PCDH15: variants seen among roughly 807,000 people sequenced by gnomAD.
The protein encoded by PCDH15 is protocadherin related 15.
Under a neutral mutation model 178.5 loss-of-function variants are expected in PCDH15, and 129 were observed. That is an observed-to-expected ratio of 0.72 (90% CI 0.63 to 0.84). The LOEUF (loss-of-function observed/expected upper bound fraction) is 0.84. Among genes scored for constraint, PCDH15 ranks in the 40% least tolerant of loss-of-function variants. The pLI is 0.00. For synonymous variants in PCDH15, 800 were observed against 732.0 expected (o/e 1.09, Z -1.50); for missense variants, 2,230 against 2,099.9 (o/e 1.06, Z -1.21).
At chr10:54,363,007 C>A (rs1472212646) in intron 5 of PCDH15, among the ~76,000 whole-genome samples, 1 of 151,988 alleles carries the variant, frequency 6.6e-6, no homozygotes, top group African/African-American at 2.4e-5. Flanking sequence ...TAACTCAAAG[C>A]AAACTCTTGC....
At chr10:53,853,393 G>C (rs2078519741) in intron 28 of PCDH15, among the ~76,000 whole-genome samples, 1 of 151,894 alleles carries the variant, frequency 6.6e-6, no homozygotes. Context: ...CAATAGCACA[G>C]GAAACAAAAG....
At chr10:55,602,485 C>A (rs1387382604) in intron 2 of PCDH15, among the ~76,000 whole-genome samples, 4 of 152,060 alleles carry the variant, frequency 2.6e-5, no homozygotes, top group Non-Finnish European at 4.4e-5. Context: ...CTTAAATGTC[C>A]CTGTCTGACA....
intron 3 of PCDH15, among the ~76,000 whole-genome samples, chr10:54,516,740 C>A (rs968025789): frequency 6.6e-6 from 1 of 151,742 alleles, no homozygotes; most frequent in Non-Finnish European, 1.5e-5. Flanking sequence ...AGAAGAGCAA[C>A]TCCAAGACAC....
intron 2 of PCDH15, among the ~76,000 whole-genome samples, chr10:54,938,187 T>TA (rs1362249927): frequency 6.6e-6 from 1 of 152,052 alleles, no homozygotes; most frequent in Non-Finnish European, 1.5e-5. Context: ...TAGTACTTTT[T>TA]ATATGTTGAT....
At chr10:54,719,685 A>AC (rs1164548054) in intron 1 of PCDH15, among the ~76,000 whole-genome samples, 6 of 151,422 alleles carry the variant, frequency 4.0e-5, no homozygotes, top group South Asian at 2.1e-4. Context: ...CTCAGCCGCC[A>AC]CCCCCCGACT....
chr10:54,043,098 G>A (rs973977136), intron 18 of PCDH15, among the ~76,000 whole-genome samples: 6 of 152,030 alleles, frequency 3.9e-5, no homozygotes, highest in African/African-American at 1.4e-4. Flanking sequence ...GAACTGATAT[G>A]GTATATGGGG....
chr10:55,028,679 A>G (rs746601733), intron 2 of PCDH15, among the ~76,000 whole-genome samples: 2 of 152,016 alleles, frequency 1.3e-5, no homozygotes, highest in Non-Finnish European at 2.9e-5. Context: ...GGAATTGACA[A>G]TTCATGAAGA....
In PCDH15 at chr10:54,297,450, T is replaced by G. The variant is rs573729820; in HGVS notation, c.876+19821A>C. On this transcript the variant is annotated intron_variant, in intron 8 of 37. Coordinates refer to ENST00000644397, the MANE Select transcript of PCDH15 (RefSeq NM_001384140.1). ...GGGAAGGCAAATGGAGTGAAATACC[T>G]TATGTCCAAGCTTTCTTTTCATTGA... 8.5e-5 allele frequency among the ~76,000 whole-genome samples: 13 copies of G among 152,266 alleles called. No homozygotes were observed. In the East Asian group the frequency reaches 2.5e-3, roughly 30 times the overall value.
At chr10:53,940,043 G>C (rs955613451) in intron 24 of PCDH15, among the ~76,000 whole-genome samples, 2 of 152,106 alleles carry the variant, frequency 1.3e-5, no homozygotes, top group Non-Finnish European at 2.9e-5. Flanking sequence ...CCTAGTAATA[G>C]TTTGTCATTA....
intron 9 of PCDH15, among the ~76,000 whole-genome samples, chr10:54,216,181 C>T (rs995222479): frequency 4.0e-5 from 6 of 151,862 alleles, no homozygotes; most frequent in South Asian, 4.2e-4. Context: ...GCTGGCTCGG[C>T]GCAGTGGCTC....
At chr10:54,583,681 A>G (rs1461357208) in intron 2 of PCDH15, among the ~76,000 whole-genome samples, 3 of 152,156 alleles carry the variant, frequency 2.0e-5, no homozygotes, top group African/African-American at 7.2e-5. Context: ...ATGCTAATCA[A>G]CCATATCAGT....
chr10:54,850,401 C>A (rs1306928028), intron 3 of PCDH15, among the ~76,000 whole-genome samples: 1 of 151,942 alleles, frequency 6.6e-6, no homozygotes, highest in Non-Finnish European at 1.5e-5. Context: ...AAGCAGTATA[C>A]AATGGGCCCA....
chr10:55,376,984 T>G (rs1837407239), intron 2 of PCDH15, among the ~76,000 whole-genome samples: 3 of 151,904 alleles, frequency 2.0e-5, no homozygotes, highest in Admixed American at 2.0e-4. Flanking sequence ...TATTAAGTCA[T>G]ATTTTAAAAG....
intron 2 of PCDH15, among the ~76,000 whole-genome samples, chr10:55,051,565 C>T (rs1841162397): frequency 6.6e-6 from 1 of 152,166 alleles, no homozygotes; most frequent in Non-Finnish European, 1.5e-5. Context: ...GTCCTAAGCA[C>T]TTCTTACCAG....
intron 26 of PCDH15, among the ~76,000 whole-genome samples, chr10:53,885,399 T>TA (rs35923781): frequency 0.11 from 16,603 of 151,840 alleles, 2,086 homozygotes; most frequent in African/African-American, 0.3. Context: ...ATATGCCTTT[T>TA]AAAAAAAAGA....
At chr10:55,118,774 T>C (rs375020494) in intron 2 of PCDH15, among the ~76,000 whole-genome samples, 2 of 152,304 alleles carry the variant, frequency 1.3e-5, no homozygotes, top group African/African-American at 4.8e-5. Flanking sequence ...TCTGAAAGAA[T>C]CTGTTGTGAA....
At chr10:55,323,978 G>A (rs1415526716), upstream of PCDH15, among the ~76,000 whole-genome samples, 1 of 152,048 alleles carries the variant, frequency 6.6e-6, no homozygotes, top group Non-Finnish European at 1.5e-5. Context: ...CATGGGGGAT[G>A]TTTCCCCCAT....
chr10:55,084,658 T>C (rs1357155749), intron 2 of PCDH15, among the ~76,000 whole-genome samples: 1 of 151,510 alleles, frequency 6.6e-6, no homozygotes, highest in Non-Finnish European at 1.5e-5. Flanking sequence ...TGGGAGAAAA[T>C]ATTTGCTAAC....
chr10:54,721,176 T>C (rs1208854316), intron 1 of PCDH15, among the ~76,000 whole-genome samples: 1 of 151,934 alleles, frequency 6.6e-6, no homozygotes, highest in African/African-American at 2.4e-5. Context: ...TCAGGAAAGT[T>C]TTTGAAGCAA....
Sources: allele counts gnomAD v4.1 joint callset (sites outside exome capture counted in the v4.1 genomes callset), GRCh38; gene constraint gnomAD v4.1.1; transcripts MANE v1.5; gene names NCBI Gene and HGNC (gene_info 2026-07-23, HGNC 2026-07-21).